NEK10: variants seen among roughly 807,000 people sequenced by gnomAD.
The protein encoded by NEK10 is NIMA related kinase 10, also known as serine/threonine-protein kinase Nek10.
In NEK10, 122 loss-of-function variants were observed where a neutral mutation model predicts 159.8. The ratio of observed to expected loss-of-function variants is 0.76; its 90% confidence interval spans 0.66 to 0.89. The LOEUF (loss-of-function observed/expected upper bound fraction) is 0.89, where lower values mean the gene tolerates loss of function less well. NEK10 is among the 40% of genes least tolerant of loss of function. The probability of loss-of-function intolerance (pLI) is 0.00; values close to 1 mark genes in which losing one functional copy is unlikely to be tolerated. For synonymous variants in NEK10, 466 were observed against 457.1 expected, an observed-to-expected ratio of 1.02 and a Z score of -0.25; for missense variants, 1,342 against 1,323.1, an observed-to-expected ratio of 1.01 and a Z score of -0.22.
intron 26 of NEK10, 65 bp downstream of exon 26, chr3:27,191,964 A>T (rs1274983386): frequency 7.2e-7 from 1 of 1,394,548 alleles, no homozygotes; most frequent in East Asian, 2.3e-5. Context: ...CCTTAAAACA[A>T]GCATGAACAA....
chr3:27,230,260 C>T (rs1953099264), intron 23 of NEK10, among the ~76,000 whole-genome samples: 1 of 152,044 alleles, frequency 6.6e-6, no homozygotes, highest in African/African-American at 2.4e-5. Context: ...TTTGTATAGC[C>T]AGTAGAACTA....
At chr3:27,180,202 C>A (rs1440619634) in intron 26 of NEK10, among the ~76,000 whole-genome samples, 6 of 151,972 alleles carry the variant, frequency 3.9e-5, no homozygotes, top group African/African-American at 1.5e-4. Context: ...TTGAGACCAG[C>A]CTGGCCAAAT....
rs536756468 is a variant in NEK10 at position 27,144,443 on chromosome 3, A to T, written c.2870-2861T>A. 5.3e-5 allele frequency among the ~76,000 whole-genome samples: 8 copies of T among 152,336 alleles called. No individual in the cohort carries two copies. The South Asian group carries it at 1.7e-3, about 32-fold the overall frequency. On this transcript the variant is annotated intron_variant, in intron 30 of 35. Coordinates refer to ENST00000691995, the MANE Select transcript of NEK10 (RefSeq NM_001394966.1). Reference sequence around the variant, plus strand: ...AGTTATTTTAGGGTAGACACAGTGAAGTGAAATAGCTGGACCCAAGGATAC... The same window carrying T: ...AGTTATTTTAGGGTAGACACAGTGATGTGAAATAGCTGGACCCAAGGATAC...
intron 23 of NEK10, among the ~76,000 whole-genome samples, chr3:27,224,783 C>A (rs1439767073): frequency 6.6e-6 from 1 of 152,162 alleles, no homozygotes. Context: ...GCTTAAACAT[C>A]ATTTTTTCTC....
intron 28 of NEK10, 45 bp from the exon 29 acceptor site, chr3:27,171,918 A>G (rs1559548557): frequency 1.9e-6 from 3 of 1,572,014 alleles, no homozygotes; most frequent in Non-Finnish European, 2.6e-6. Context: ...TTCCTCTGCA[A>G]ATCTTTTATT....
At chr3:27,188,168 C>A (rs1034097831) in intron 26 of NEK10, among the ~76,000 whole-genome samples, 1 of 152,108 alleles carries the variant, frequency 6.6e-6, no homozygotes, top group Non-Finnish European at 1.5e-5. Flanking sequence ...GAGTGACTTC[C>A]TTATTTAGTT....
At chr3:27,115,260 G>A (rs886210238) in intron 35 of NEK10, among the ~76,000 whole-genome samples, 70 of 152,264 alleles carry the variant, frequency 4.6e-4, no homozygotes, top group African/African-American at 1.6e-3. Context: ...TAATTTGCTT[G>A]ATTATAAAAC....
At chr3:27,278,098 T>C (rs2041898099) in intron 22 of NEK10, among the ~76,000 whole-genome samples, 1 of 152,226 alleles carries the variant, frequency 6.6e-6, no homozygotes, top group South Asian at 2.1e-4. Flanking sequence ...TTTAAAAATA[T>C]AAAAACCAGT....
intron 29 of NEK10, among the ~76,000 whole-genome samples, chr3:27,166,984 G>A (rs113511947): frequency 0.011 from 1,737 of 152,048 alleles, 11 homozygotes; most frequent in South Asian, 0.021. Flanking sequence ...TTAGACTTAG[G>A]AGCACACTGC....
chr3:27,156,929 GATATATATATATATATATATATATAT>G lies in NEK10; in HGVS notation c.2869+5746_2869+5771del, dbSNP rs4016654. On this transcript the variant is annotated intron_variant, in intron 30 of 35. Transcript: ENST00000691995. ...CAATCAAGGAGTGCATAAAGAAACT[GATATATATATATATATATATATATAT>G]ATATATATATATATATATATATATG... Among the ~76,000 whole-genome samples, 196 of 28,350 alleles carry G rather than the reference GATATATATATATATATATATATATAT, an allele frequency of 6.9e-3. 3 individuals are homozygous for G. Among genetic ancestry groups the G allele is most frequent in the African/African-American group, 0.015 (147 of 10,010 alleles). The allele number at this position is 28,350 out of a possible 152,430, so 18.6% of individuals were successfully genotyped here.
chr3:27,306,490 T>A (rs1281864864), intron 11 of NEK10, among the ~76,000 whole-genome samples: 2 of 152,134 alleles, frequency 1.3e-5, no homozygotes. Context: ...TGTAAGTGGA[T>A]CTCAATGTGT....
At chr3:27,204,305 T>TG (rs1305478795) in intron 23 of NEK10, among the ~76,000 whole-genome samples, 175 of 113,336 alleles carry the variant, frequency 1.5e-3, no homozygotes, top group South Asian at 3.1e-3. Flanking sequence ...GTTGTTGTTT[T>TG]TTTTTTTTTT....
intron 3 of NEK10, among the ~76,000 whole-genome samples, chr3:27,346,670 G>A (rs62255656): frequency 6.6e-6 from 1 of 152,096 alleles, no homozygotes; most frequent in Admixed American, 6.5e-5. Context: ...CTCTGATATA[G>A]AGCAGAGTGC....
chr3:27,257,535 C>T (rs760565641), intron 22 of NEK10, among the ~76,000 whole-genome samples: 11 of 152,114 alleles, frequency 7.2e-5, no homozygotes, highest in South Asian at 2.1e-4. Context: ...AATAAAAATT[C>T]GCATTATTAA....
Position 27,202,414 on chromosome 3 carries a change from C to T in NEK10, c.2220+14G>A, listed in dbSNP as rs769333929. The T allele has an allele frequency of 1.1e-5, 17 of 1,601,006 alleles. No homozygotes were observed. The South Asian group carries it at 1.7e-4, about 16-fold the overall frequency. ...TAGCTACACGAGACCCTTCTGTCTCCCAGCGTTGCTTACTTTTGTAGCCAA... is the reference window on the plus strand; with the variant it reads ...TAGCTACACGAGACCCTTCTGTCTCTCAGCGTTGCTTACTTTTGTAGCCAA... On this transcript the variant is annotated intron_variant, in intron 24 of 35. Coordinates refer to ENST00000691995, the MANE Select transcript of NEK10 (RefSeq NM_001394966.1).
chr3:27,344,190 TG>T (rs2047392392), intron 5 of NEK10, 81 bp downstream of exon 5: 1 of 695,474 alleles, frequency 1.4e-6, no homozygotes, highest in South Asian at 1.8e-5. Flanking sequence ...TCCTGTAAGA[TG>T]TTTCAAATCA....
intron 23 of NEK10, among the ~76,000 whole-genome samples, chr3:27,247,908 C>G (rs933298950): frequency 1.3e-5 from 2 of 150,976 alleles, no homozygotes; most frequent in African/African-American, 2.4e-5. Flanking sequence ...GAAGTATACC[C>G]TCTTCCTCCA....
chr3:27,357,137 C>T (rs1053182395), intron 1 of NEK10, among the ~76,000 whole-genome samples: 1 of 152,096 alleles, frequency 6.6e-6, no homozygotes, highest in Admixed American at 6.6e-5. Flanking sequence ...TCAGGAAAAT[C>T]CAATATCAAA....
chr3:27,221,952 C>T (rs888512604), intron 23 of NEK10, among the ~76,000 whole-genome samples: 1 of 152,128 alleles, frequency 6.6e-6, no homozygotes, highest in African/African-American at 2.4e-5. Context: ...TTACATACAT[C>T]GTAAAAGTAT....
Sources: allele counts gnomAD v4.1 joint callset (sites outside exome capture counted in the v4.1 genomes callset), GRCh38; gene constraint gnomAD v4.1.1; transcripts MANE v1.5; gene names NCBI Gene and HGNC (gene_info 2026-07-23, HGNC 2026-07-21).